GRID2: variants seen among roughly 807,000 people sequenced by gnomAD.
GRID2 encodes glutamate receptor ionotropic, delta-2.
A neutral mutation model predicts 114.8 loss-of-function variants in GRID2; 33 were observed. That is an observed-to-expected ratio of 0.29 (90% CI 0.22 to 0.38). GRID2 has a LOEUF of 0.38. GRID2 is among the 10% of genes least tolerant of loss of function. The probability of loss-of-function intolerance (pLI) is 1.00; values close to 1 mark genes in which losing one functional copy is unlikely to be tolerated. For missense variants in GRID2, 1,184 were observed against 1,257.7 expected (o/e 0.94, Z 0.89); for synonymous variants, 505 against 449.9 (o/e 1.12, Z -1.55).
intron 2 of GRID2, among the ~76,000 whole-genome samples, chr4:92,931,523 T>G (rs1750235020): frequency 6.6e-6 from 1 of 150,770 alleles, no homozygotes; most frequent in African/African-American, 2.4e-5. Flanking sequence ...AATATTGGGA[T>G]ACATGAAGTA....
At chr4:93,525,281 CA>C (rs1730771590) in intron 13 of GRID2, among the ~76,000 whole-genome samples, 1 of 151,866 alleles carries the variant, frequency 6.6e-6, no homozygotes, top group South Asian at 2.1e-4. Flanking sequence ...ACAGAAATAA[CA>C]AAAAAATGGG....
In GRID2 at chr4:93,510,939, T is replaced by G. The variant is rs554974741; in HGVS notation, c.1998-4277T>G. ...AAAAAATTTAATTGTATTATTTTTA[T>G]TTTTTATTTTCCTTTGAGAGGGAGT... On this transcript the variant is annotated intron_variant, in intron 12 of 15. Coordinates refer to ENST00000282020, the MANE Select transcript of GRID2 (RefSeq NM_001510.4). Among the ~76,000 whole-genome samples the G allele has an allele frequency of 3.3e-5, 5 of 152,284 alleles. No homozygotes were observed. In the East Asian group the frequency reaches 7.7e-4, roughly 23 times the overall value.
In GRID2 at chr4:92,666,650, G is replaced by GTTTTTTGTTTTT. The variant is rs1286942855; in HGVS notation, c.244+76370_244+76371insGTTTTTTTTTTT. 4.9e-3 allele frequency among the ~76,000 whole-genome samples: 337 copies of GTTTTTTGTTTTT among 68,570 alleles called. 3 individuals are homozygous for GTTTTTTGTTTTT. Among genetic ancestry groups the GTTTTTTGTTTTT allele is most frequent in the African/African-American group, 0.017 (325 of 19,050 alleles). The allele number at this position is 68,570 out of a possible 152,430, so 45.0% of individuals were successfully genotyped here. The stretch of plus-strand genomic sequence containing the variant: ...AGGCTGATGTGTAAACTTAAGGGTT[G>GTTTTTTGTTTTT]TTTTTTTTTTTTTTTTTTTTCAGAT... On this transcript the variant is annotated intron_variant, in intron 2 of 15. Coordinates refer to ENST00000282020, the MANE Select transcript of GRID2 (RefSeq NM_001510.4).
chr4:93,715,680 T>C (rs115292327), intron 14 of GRID2, among the ~76,000 whole-genome samples: 2,449 of 152,322 alleles, frequency 0.016, 21 homozygotes, highest in Non-Finnish European at 0.026. Context: ...GATATTGTAT[T>C]CTTTTTGTGG....
intron 2 of GRID2, among the ~76,000 whole-genome samples, chr4:93,026,680 T>G (rs916608657): frequency 4.6e-5 from 7 of 151,868 alleles, no homozygotes. Context: ...TATAATTCCT[T>G]GAAAATTTTC....
At chr4:92,471,731 C>A (rs1447073790) in intron 1 of GRID2, among the ~76,000 whole-genome samples, 1 of 151,984 alleles carries the variant, frequency 6.6e-6, no homozygotes, top group Non-Finnish European at 1.5e-5. Context: ...CCCAAACTCC[C>A]TTGCTTCTCT....
At chr4:93,087,538 T>A (rs1389037156) in intron 3 of GRID2, among the ~76,000 whole-genome samples, 3 of 152,112 alleles carry the variant, frequency 2.0e-5, no homozygotes, top group African/African-American at 7.2e-5. Flanking sequence ...AGTCACAGAA[T>A]CATTTATGCA....
At chr4:92,705,102 G>A (rs1734893835) in intron 2 of GRID2, among the ~76,000 whole-genome samples, 1 of 151,922 alleles carries the variant, frequency 6.6e-6, no homozygotes, top group Admixed American at 6.6e-5. Flanking sequence ...AAACAGCAAG[G>A]CCTATGCAGT....
At chr4:93,706,149 C>T (rs1282545087) in intron 14 of GRID2, among the ~76,000 whole-genome samples, 4 of 152,102 alleles carry the variant, frequency 2.6e-5, no homozygotes, top group African/African-American at 9.7e-5. Flanking sequence ...CACCAGATGA[C>T]TTTAGCTATT....
intron 2 of GRID2, among the ~76,000 whole-genome samples, chr4:92,777,981 G>A (rs1738889954): frequency 6.6e-6 from 1 of 152,108 alleles, no homozygotes; most frequent in South Asian, 2.1e-4. Context: ...CAAATGTGTA[G>A]AGTAACTAAT....
intron 8 of GRID2, among the ~76,000 whole-genome samples, chr4:93,378,102 T>C (rs539272737): frequency 6.6e-6 from 1 of 152,236 alleles, no homozygotes; most frequent in South Asian, 2.1e-4. Context: ...CCTCCAAAAA[T>C]GATAGTTACA....
intron 13 of GRID2, among the ~76,000 whole-genome samples, chr4:93,539,302 T>G (rs1489930751): frequency 3.3e-5 from 5 of 152,012 alleles, no homozygotes; most frequent in African/African-American, 1.2e-4. Flanking sequence ...AAACTGTAAT[T>G]ACTTTTCCTT....
chr4:92,690,586 C>T (rs964780381), intron 2 of GRID2, among the ~76,000 whole-genome samples: 8 of 152,114 alleles, frequency 5.3e-5, no homozygotes, highest in Admixed American at 6.5e-5. Flanking sequence ...ATTTGCTTGA[C>T]GCAGGGTTGC....
chr4:93,034,540 C>T (rs574563110), intron 2 of GRID2, among the ~76,000 whole-genome samples: 41 of 152,292 alleles, frequency 2.7e-4, no homozygotes, highest in Admixed American at 2.2e-3. Flanking sequence ...GACTTCTACA[C>T]GGCACGTCTG....
intron 2 of GRID2, among the ~76,000 whole-genome samples, chr4:92,794,903 T>TACACACACAC (rs1262318589): frequency 1.6e-4 from 22 of 134,204 alleles, no homozygotes; most frequent in South Asian, 7.3e-4. Context: ...TATATATATA[T>TACACACACAC]ATACACACAC....
At chr4:92,640,951 G>C (rs549864615) in intron 2 of GRID2, among the ~76,000 whole-genome samples, 5 of 151,600 alleles carry the variant, frequency 3.3e-5, no homozygotes, top group Non-Finnish European at 7.4e-5. Flanking sequence ...TAAGTTATCT[G>C]TTTTAATATA....
intron 8 of GRID2, among the ~76,000 whole-genome samples, chr4:93,344,945 G>T (rs942482221): frequency 6.6e-5 from 10 of 151,178 alleles, no homozygotes; most frequent in African/African-American, 2.4e-4. Flanking sequence ...TATCAAAAAT[G>T]ACAGCATTTC....
In GRID2 at chr4:93,354,920, G is replaced by A. The variant is rs1761185440; in HGVS notation, c.1246-40687G>A. Among the ~76,000 whole-genome samples the A allele has an allele frequency of 4.1e-5, 6 of 146,586 alleles. No individual in the cohort carries two copies. The Admixed American group carries it at 4.2e-4, about 10-fold the overall frequency. On this transcript the variant is annotated intron_variant, in intron 8 of 15. Transcript: ENST00000282020. The stretch of plus-strand genomic sequence containing the variant: ...AAATGCCTACTAGATATTTTTGCCT[G>A]GTTGCCCCCTGAGTGTGTGAAACTG...
intron 2 of GRID2, among the ~76,000 whole-genome samples, chr4:92,922,122 C>T (rs1749402169): frequency 6.6e-6 from 1 of 152,144 alleles, no homozygotes; most frequent in Non-Finnish European, 1.5e-5. Flanking sequence ...GAGTGAGGCT[C>T]CGTGGGTGTA....
Sources: allele counts gnomAD v4.1 joint callset (sites outside exome capture counted in the v4.1 genomes callset), GRCh38; gene constraint gnomAD v4.1.1; transcripts MANE v1.5; gene names NCBI Gene and HGNC (gene_info 2026-07-23, HGNC 2026-07-21).